The following TIPARP variants were observed in gnomAD, a reference collection of about 807,000 sequenced individuals.
TIPARP encodes TCDD inducible poly(ADP-ribose) polymerase.
A neutral mutation model predicts 56.5 loss-of-function variants in TIPARP; 12 were observed. That is an observed-to-expected ratio of 0.21 (90% confidence interval 0.14 to 0.34). The LOEUF (loss-of-function observed/expected upper bound fraction) is 0.34, where lower values mean the gene tolerates loss of function less well. Ranked by LOEUF, TIPARP falls within the 10% of genes least tolerant of loss-of-function variation. TIPARP has a pLI of 1.00. For missense variants in TIPARP, 604 were observed against 781.6 expected (o/e 0.77, Z 2.71); for synonymous variants, 296 against 265.7 (o/e 1.11, Z -1.11).
rs1722704475 is a variant in TIPARP at position 156,695,913 on chromosome 3, G to A, written c.1135G>A (p.Val379Ile). Reference protein sequence around the residue: ...EEANSRGLKEVRFMMWNNHYI... With the variant: ...EEANSRGLKEIRFMMWNNHYI... ...AGCCAACTCTCGGGGTCTGAAAGAG[G>A]TTCGATTTATGATGTGGAATAACCA... The change falls in exon 4 of 6, where the codon GTT becomes ATT. Residue 379 changes from valine (V) to isoleucine (I), a missense_variant. Around this residue, in one of 4 missense-constraint regions of TIPARP, gnomAD observed 252 missense variants for 303.9 expected, o/e 0.83. Coordinates refer to ENST00000295924, the MANE Select transcript of TIPARP (RefSeq NM_015508.5). The A allele has an allele frequency of 6.2e-7, 1 of 1,602,326 alleles. No individual in the cohort carries two copies.
At chr3:156,689,908 G>A (rs1299692512) in intron 2 of TIPARP, among the ~76,000 whole-genome samples, 3 of 152,166 alleles carry the variant, frequency 2.0e-5, no homozygotes, top group Non-Finnish European at 1.5e-5. Context: ...TTCCAGCAGA[G>A]GTAAGCCATC....
intron 2 of TIPARP, among the ~76,000 whole-genome samples, chr3:156,683,679 A>G: frequency 6.6e-6 from 1 of 152,334 alleles, no homozygotes; most frequent in Non-Finnish European, 1.5e-5. Flanking sequence ...TCATAGATTT[A>G]CAATCTACCA....
chr3:156,681,950 T>A (rs543437637), intron 2 of TIPARP, among the ~76,000 whole-genome samples: 33 of 151,428 alleles, frequency 2.2e-4, no homozygotes, highest in Admixed American at 1.1e-3. Context: ...GAAAACAGAG[T>A]CTGGAACAGT....
At chr3:156,676,029 T>A (rs1448915115) in intron 1 of TIPARP, among the ~76,000 whole-genome samples, 1 of 152,040 alleles carries the variant, frequency 6.6e-6, no homozygotes, top group Non-Finnish European at 1.5e-5. Flanking sequence ...TAAAATCGAT[T>A]TAGTGTCTAT....
intron 1 of TIPARP, 67 bp downstream of exon 1, chr3:156,674,863 GCGGCTC>G (rs1254749643): frequency 6.5e-6 from 1 of 153,060 alleles, no homozygotes; most frequent in Non-Finnish European, 1.5e-5. Flanking sequence ...CGCCGGCCTC[GCGGCTC>G]CGGCCCCGGC....
chr3:156,687,164 A>G (rs1382739780), intron 2 of TIPARP, among the ~76,000 whole-genome samples: 1 of 152,198 alleles, frequency 6.6e-6, no homozygotes, highest in Non-Finnish European at 1.5e-5. Context: ...ATTAAGTTTC[A>G]CTTTCTCATC....
chr3:156,700,710 C>A (rs1722825718), intron 4 of TIPARP, among the ~76,000 whole-genome samples: 1 of 152,174 alleles, frequency 6.6e-6, no homozygotes, highest in Non-Finnish European at 1.5e-5. Context: ...GAATGCCTGG[C>A]ACAGTTTCTT....
chr3:156,689,996 C>T (rs1481601123), intron 2 of TIPARP, among the ~76,000 whole-genome samples: 1 of 152,164 alleles, frequency 6.6e-6, no homozygotes, highest in African/African-American at 2.4e-5. Context: ...TGCTCTGTGT[C>T]ATTTTGCCTT....
At chr3:156,696,263 C>T (rs749118797) in intron 4 of TIPARP, among the ~76,000 whole-genome samples, 4 of 151,936 alleles carry the variant, frequency 2.6e-5, no homozygotes, top group Non-Finnish European at 4.4e-5. Flanking sequence ...AACATTTTTC[C>T]ACAACTAAAT....
In TIPARP at chr3:156,706,651, C is replaced by T. The variant is rs1345393872; in HGVS notation, c.*1520C>T. ...TTCAAGTTAAGACACCTTACCATTG[C>T]TTATTTGGTTTTATGAGACTTGTTC... On this transcript the variant is annotated 3_prime_UTR_variant, in exon 6 of 6. Transcript: ENST00000295924. 1 of 152,582 alleles carries T rather than the reference C, an allele frequency of 6.6e-6. No individual in the cohort carries two copies. The highest frequency in any genetic ancestry group is 2.4e-5 in the African/African-American group (1 of 41,444). 9.5% of individuals were successfully genotyped at this position (152,582 alleles called of 1,614,324 possible). A position where few individuals can be genotyped will look rare whatever the true frequency, so the allele number is the denominator to read the frequency against.
rs1722988974 is a variant in TIPARP at position 156,706,587 on chromosome 3, A to T, written c.*1456A>T. The T allele has an allele frequency of 6.6e-6, 1 of 152,618 alleles. No individual in the cohort carries two copies. The highest frequency in any genetic ancestry group is 2.1e-4 in the South Asian group (1 of 4,834). 9.5% of individuals were successfully genotyped at this position (152,618 alleles called of 1,614,324 possible). ...CAACTGTGGCTGTTACAGTTCTTTC[A>T]TTCAATTATAACTTGTAAACCAGTG... On this transcript the variant is annotated 3_prime_UTR_variant, in exon 6 of 6. Coordinates refer to ENST00000295924, the MANE Select transcript of TIPARP (RefSeq NM_015508.5).
chr3:156,705,591 A>C lies in TIPARP; in HGVS notation c.*460A>C, dbSNP rs995316511. On this transcript the variant is annotated 3_prime_UTR_variant, in exon 6 of 6. Transcript: ENST00000295924. ...ACCATGCGTATTCCCTGTCCAAAGC[A>C]TCACTGCTTTGGTATAGTATAAGTT... 1.3e-5 allele frequency: 2 copies of C among 155,164 alleles called. No homozygotes were observed. Among genetic ancestry groups the C allele is most frequent in the African/African-American group, 4.8e-5 (2 of 41,462 alleles). The allele number at this position is 155,164 out of a possible 1,614,324, so 9.6% of individuals were successfully genotyped here.
chr3:156,695,336 C>T (rs755706821), intron 3 of TIPARP, among the ~76,000 whole-genome samples: 1 of 152,062 alleles, frequency 6.6e-6, no homozygotes, highest in Admixed American at 6.5e-5. Context: ...GCCTCAGCCT[C>T]CCAAATAGCT....
At chr3:156,703,043 C>A (rs980350395) in intron 4 of TIPARP, among the ~76,000 whole-genome samples, 6 of 152,162 alleles carry the variant, frequency 3.9e-5, no homozygotes, top group Non-Finnish European at 7.4e-5. Context: ...GTAATGAAAT[C>A]TTTTCTGCTT....
intron 2 of TIPARP, among the ~76,000 whole-genome samples, chr3:156,681,665 C>G (rs1318250195): frequency 6.6e-6 from 1 of 152,054 alleles, no homozygotes; most frequent in African/African-American, 2.4e-5. Context: ...AGTCAAGATG[C>G]TTAGATACTA....
rs1379185165 is a variant in TIPARP at position 156,704,346 on chromosome 3, A to G, written c.1527-338A>G. ...TCAAGTCAACAAACTAATGAAGGAC[A>G]AATGGAGGGAATACATTTAGATTTC... On this transcript the variant is annotated intron_variant, in intron 5 of 5. Transcript: ENST00000295924. Among the ~76,000 whole-genome samples the G allele has an allele frequency of 2.6e-5, 4 of 152,190 alleles. No individual in the cohort carries two copies. The South Asian group carries it at 6.2e-4, about 24-fold the overall frequency.
At chr3:156,693,994 T>A in intron 2 of TIPARP, 26 bp from the exon 3 acceptor site, 1 of 1,560,300 alleles carries the variant, frequency 6.4e-7, no homozygotes, top group Admixed American at 2.1e-5. Flanking sequence ...GGTTTTTGGG[T>A]TTTTTTTGTT....
intron 2 of TIPARP, among the ~76,000 whole-genome samples, chr3:156,690,409 T>A (rs1271274410): frequency 6.6e-6 from 1 of 152,130 alleles, no homozygotes; most frequent in Non-Finnish European, 1.5e-5. Context: ...GCATTGGTAA[T>A]GTATGTCGGA....
chr3:156,694,206 G>C lies in TIPARP; in HGVS notation c.1086+18G>C. On this transcript the variant is annotated intron_variant, in intron 3 of 5. Transcript: ENST00000295924. ...ATCCCGAGGTATTTACAGATTCTTT[G>C]TTGACAAGTACATTTTTCAAATTTA... 1 of 1,562,574 alleles carries C rather than the reference G, an allele frequency of 6.4e-7. No homozygotes were observed. The highest frequency in any genetic ancestry group is 1.2e-5 in the South Asian group (1 of 82,562).
Sources: gnomAD v4.1 joint callset for allele counts (sites outside exome capture counted in the v4.1 genomes callset) on GRCh38, gnomAD v4.1.1 for gene constraint, gnomAD v4.1.1 regional missense constraint, MANE v1.5 for transcripts, NCBI Gene and HGNC (gene_info 2026-07-23, HGNC 2026-07-21) for gene names.